COL4A4: variants seen among roughly 807,000 people sequenced by gnomAD.
COL4A4 encodes the protein collagen alpha-4(IV) chain.
In COL4A4, 105 loss-of-function variants were observed where a neutral mutation model predicts 192.9. The observed-to-expected ratio is 0.54, with a 90% CI of 0.46 to 0.64. The LOEUF (loss-of-function observed/expected upper bound fraction) is 0.64. Ranked by LOEUF, COL4A4 falls within the 30% of genes least tolerant of loss-of-function variation. COL4A4 has a pLI of 0.00. For missense variants in COL4A4, 1,967 were observed against 2,169.3 expected, an observed-to-expected ratio of 0.91 and a Z score of 1.85; for synonymous variants, 762 against 769.9, an observed-to-expected ratio of 0.99 and a Z score of 0.17.
At chr2:227,129,553 C>A (rs554740568) in intron 4 of COL4A4, among the ~76,000 whole-genome samples, 5 of 151,922 alleles carry the variant, frequency 3.3e-5, no homozygotes, top group Admixed American at 2.0e-4. Flanking sequence ...GGATTACAGG[C>A]GGCCACCACC....
chr2:227,007,179 G>A lies in COL4A4; in HGVS notation c.*146C>T, dbSNP rs889250657. The A allele has an allele frequency of 2.6e-5, 30 of 1,142,116 alleles. No individual in the cohort carries two copies. Among genetic ancestry groups the A allele is most frequent in the Non-Finnish European group, 3.8e-5 (29 of 755,336 alleles). 70.7% of individuals were successfully genotyped at this position (1,142,116 alleles called of 1,614,324 possible). On this transcript the variant is annotated 3_prime_UTR_variant, in exon 48 of 48. Transcript: ENST00000396625. ...TTTGCTTAATGTGTAAGGAACCAGAGGACTCTGGGAATAACCACGACAAAA... is the reference window on the plus strand; with the variant it reads ...TTTGCTTAATGTGTAAGGAACCAGAAGACTCTGGGAATAACCACGACAAAA...
At chr2:227,062,236 C>CAA (rs56292638) in intron 26 of COL4A4, among the ~76,000 whole-genome samples, 3 of 132,942 alleles carry the variant, frequency 2.3e-5, no homozygotes, top group Non-Finnish European at 1.7e-5. Flanking sequence ...GACTCCGTCT[C>CAA]AAAAAAAAAA....
chr2:227,057,445 T>A lies in COL4A4; in HGVS notation c.2539A>T (p.Ser847Cys). 1 of 1,605,166 alleles carries A rather than the reference T, an allele frequency of 6.2e-7. No individual in the cohort carries two copies. Among genetic ancestry groups the A allele is most frequent in the Non-Finnish European group, 8.5e-7 (1 of 1,175,510 alleles). Residue 847 changes from serine to cysteine, a missense_variant, in exon 29 of 48, where the codon AGC becomes TGC. Coordinates refer to ENST00000396625, the MANE Select transcript of COL4A4 (RefSeq NM_000092.5). ...CACAGTTCTTGACACTTACCTGGGCTACCTGGATACCCAGGGAGTCCCGGT... is the reference window on the plus strand; with the variant it reads ...CACAGTTCTTGACACTTACCTGGGCAACCTGGATACCCAGGGAGTCCCGGT... ...GQPGLPGYPG[S>C]PGAPGGKGQP...
chr2:227,067,882 A>G (rs58315475), intron 25 of COL4A4, among the ~76,000 whole-genome samples: 127,259 of 137,690 alleles, frequency 0.92, 58,976 homozygotes, highest in East Asian at 1. Flanking sequence ...CAGGACTGAA[A>G]GAAATAGAGA....
chr2:227,065,218 A>C (rs1201564468), intron 25 of COL4A4, among the ~76,000 whole-genome samples: 1 of 152,172 alleles, frequency 6.6e-6, no homozygotes, highest in African/African-American at 2.4e-5. Flanking sequence ...CACATCCCGC[A>C]CCTGGCTCGG....
chr2:227,107,478 A>T (rs759735620), intron 12 of COL4A4, among the ~76,000 whole-genome samples: 7 of 152,174 alleles, frequency 4.6e-5, no homozygotes, highest in African/African-American at 9.7e-5. Flanking sequence ...TCAGCATTAT[A>T]TCACAGGCAC....
Position 227,033,485 on chromosome 2 carries a change from A to T in COL4A4, c.3506-4T>A. On this transcript the variant is annotated splice_region_variant and splice_polypyrimidine_tract_variant and intron_variant, in intron 37 of 47. Transcript: ENST00000396625. Reference sequence around the variant, plus strand: ...AGGCCAGGTGATCCGGAGGGACCTGAAAAACACCACAGGCCTGTGACCCAA... The same window carrying T: ...AGGCCAGGTGATCCGGAGGGACCTGTAAAACACCACAGGCCTGTGACCCAA... 1 of 1,612,294 alleles carries T rather than the reference A, an allele frequency of 6.2e-7. No individual in the cohort carries two copies. The highest frequency in any genetic ancestry group is 8.5e-7 in the Non-Finnish European group (1 of 1,179,560).
At chr2:227,051,237 CT>C in intron 32 of COL4A4, 79 bp from the exon 33 acceptor site, 1 of 1,435,136 alleles carries the variant, frequency 7.0e-7, no homozygotes, top group Non-Finnish European at 9.8e-7. Context: ...CCTGGTCCTA[CT>C]TTTAGGAGAT....
intron 35 of COL4A4, among the ~76,000 whole-genome samples, chr2:227,043,819 A>G (rs555973619): frequency 6.6e-6 from 1 of 152,356 alleles, no homozygotes; most frequent in Admixed American, 6.5e-5. Context: ...ACGTTTTTCT[A>G]CATTGCCAAA....
chr2:227,059,796 G>C (rs538271856), intron 27 of COL4A4, among the ~76,000 whole-genome samples, 173 bp from the exon 28 acceptor site: 2 of 152,288 alleles, frequency 1.3e-5, no homozygotes, highest in African/African-American at 4.8e-5. Context: ...GAGAGAAACT[G>C]CAACTTTGTG....
At chr2:227,122,882 T>G (rs2061875534) in intron 4 of COL4A4, among the ~76,000 whole-genome samples, 1 of 151,958 alleles carries the variant, frequency 6.6e-6, no homozygotes, top group Non-Finnish European at 1.5e-5. Flanking sequence ...TATTTTTTTT[T>G]GAGACAGGGT....
At chr2:226,989,771 A>C in the COL4A4 span, among the ~76,000 whole-genome samples, 3 of 152,224 alleles carry the variant, frequency 2.0e-5, no homozygotes, top group Non-Finnish European at 2.9e-5. Context: ...AAGGGTCTCC[A>C]AAATTAACCA....
At chr2:227,059,239 GA>G (rs1424698898) in intron 28 of COL4A4, among the ~76,000 whole-genome samples, 165 bp downstream of exon 28, 1 of 152,252 alleles carries the variant, frequency 6.6e-6, no homozygotes, top group Non-Finnish European at 1.5e-5. Flanking sequence ...CAAGGCTAGA[GA>G]TTCAGGTTAT....
intron 24 of COL4A4, among the ~76,000 whole-genome samples, chr2:227,079,928 C>T (rs77288898): frequency 1.1e-3 from 168 of 152,278 alleles, no homozygotes; most frequent in Non-Finnish European, 2.1e-3. Flanking sequence ...ATGGTATCCA[C>T]CCAACGCATG....
chr2:227,149,020 T>A (rs150809807), intron 1 of COL4A4, among the ~76,000 whole-genome samples: 3,012 of 152,044 alleles, frequency 0.02, 114 homozygotes, highest in African/African-American at 0.068. Flanking sequence ...TTATTTATTT[T>A]TTATTTTTAG....
At chr2:227,071,112 A>C (rs1020150876) in intron 25 of COL4A4, among the ~76,000 whole-genome samples, 7 of 152,110 alleles carry the variant, frequency 4.6e-5, no homozygotes, top group African/African-American at 1.7e-4. Context: ...ACGGGATGGC[A>C]AAATGGACAA....
chr2:227,000,415 C>G (rs1387507482), downstream of COL4A4, among the ~76,000 whole-genome samples: 3 of 152,226 alleles, frequency 2.0e-5, no homozygotes, highest in African/African-American at 7.2e-5. Flanking sequence ...AGAAGAACAT[C>G]TTACTCCTCA....
Position 227,108,482 on chromosome 2 carries a change from T to A in COL4A4, c.735+99A>T, listed in dbSNP as rs539606434. The stretch of plus-strand genomic sequence containing the variant: ...CTCAGCCATAAAATTGGGCAGTGAC[T>A]AGATAATGAGTACAAGTTCAAATAA... On this transcript the variant is annotated intron_variant, in intron 12 of 47. Coordinates refer to ENST00000396625, the MANE Select transcript of COL4A4 (RefSeq NM_000092.5). 3.4e-6 allele frequency: 4 copies of A among 1,177,472 alleles called. No homozygotes were observed. In the African/African-American group the frequency reaches 6.0e-5, roughly 18 times the overall value. The allele number at this position is 1,177,472 out of a possible 1,614,324, so 72.9% of individuals were successfully genotyped here.
intron 1 of COL4A4, among the ~76,000 whole-genome samples, chr2:227,162,154 T>C (rs1030481069): frequency 3.9e-5 from 6 of 152,198 alleles, no homozygotes; most frequent in African/African-American, 1.4e-4. Flanking sequence ...GGTCAAGCTC[T>C]CCAGCATTGC....
Sources: gnomAD v4.1 joint callset for allele counts (sites outside exome capture counted in the v4.1 genomes callset) on GRCh38, gnomAD v4.1.1 for gene constraint, MANE v1.5 for transcripts, NCBI Gene and HGNC (gene_info 2026-07-23, HGNC 2026-07-21) for gene names.